AGBL4: variants seen among roughly 807,000 people sequenced by gnomAD.
AGBL4 encodes cytosolic carboxypeptidase 6.
In AGBL4, 58 loss-of-function variants were observed where a neutral mutation model predicts 66.4. That is an observed-to-expected ratio of 0.87 (90% CI 0.71 to 1.09). The LOEUF is 1.09. Among genes scored for constraint, AGBL4 ranks in the 50% least tolerant of loss-of-function variants. AGBL4 has a pLI of 0.00. For synonymous variants in AGBL4, 234 were observed against 222.9 expected, an observed-to-expected ratio of 1.05 and a Z score of -0.44; for missense variants, 579 against 631.0, an observed-to-expected ratio of 0.92 and a Z score of 0.88.
At chr1:49,501,855 C>A (rs988269250) in intron 3 of AGBL4, among the ~76,000 whole-genome samples, 4 of 151,792 alleles carry the variant, frequency 2.6e-5, no homozygotes, top group African/African-American at 9.7e-5. Context: ...CTTTTAATTT[C>A]TTTATTGAAT....
At chr1:48,737,321 A>T (rs1649232503) in intron 6 of AGBL4, among the ~76,000 whole-genome samples, 1 of 152,218 alleles carries the variant, frequency 6.6e-6, no homozygotes, top group South Asian at 2.1e-4. Flanking sequence ...AAAAAAAATC[A>T]TCAGTTCGTG....
chr1:48,975,831 T>A (rs1394012945), intron 5 of AGBL4, among the ~76,000 whole-genome samples: 1 of 152,128 alleles, frequency 6.6e-6, no homozygotes, highest in Non-Finnish European at 1.5e-5. Flanking sequence ...TGGAACTGAT[T>A]GAAGAATAAG....
chr1:49,280,327 T>C (rs1644249739), intron 3 of AGBL4, among the ~76,000 whole-genome samples: 1 of 152,200 alleles, frequency 6.6e-6, no homozygotes, highest in Non-Finnish European at 1.5e-5. Flanking sequence ...GTTGTGGCCA[T>C]TTTTGTGTCA....
chr1:49,240,551 CT>C (rs34162300), intron 4 of AGBL4, among the ~76,000 whole-genome samples: 104,688 of 123,682 alleles, frequency 0.85, 44,242 homozygotes, highest in Non-Finnish European at 0.88. Context: ...ACTGCATTTT[CT>C]TTTTTTTTTT....
intron 3 of AGBL4, among the ~76,000 whole-genome samples, chr1:49,249,473 T>C (rs981314880): frequency 6.6e-6 from 1 of 152,108 alleles, no homozygotes; most frequent in Non-Finnish European, 1.5e-5. Context: ...GAAAACATTA[T>C]CAACATCATT....
chr1:49,106,970 G>A (rs909384170), intron 4 of AGBL4, among the ~76,000 whole-genome samples: 1 of 151,896 alleles, frequency 6.6e-6, no homozygotes, highest in African/African-American at 2.4e-5. Flanking sequence ...AGCTACTTGG[G>A]GATAGAAAAT....
intron 3 of AGBL4, among the ~76,000 whole-genome samples, chr1:49,263,984 A>G (rs1653485561): frequency 6.6e-6 from 1 of 152,190 alleles, no homozygotes; most frequent in African/African-American, 2.4e-5. Flanking sequence ...TTATCAACAT[A>G]GAGAAACTTC....
intron 3 of AGBL4, among the ~76,000 whole-genome samples, chr1:49,483,740 G>A (rs1246630908): frequency 6.6e-6 from 1 of 151,584 alleles, no homozygotes; most frequent in Non-Finnish European, 1.5e-5. Flanking sequence ...AGTAAACATG[G>A]CCCAATGAAA....
chr1:49,552,389 C>T (rs923858581), intron 3 of AGBL4, among the ~76,000 whole-genome samples: 2 of 152,186 alleles, frequency 1.3e-5, no homozygotes, highest in Non-Finnish European at 2.9e-5. Context: ...TGTTTGCCCC[C>T]CTGCTCCTCT....
At chr1:49,740,961 T>A (rs1323431313) in intron 2 of AGBL4, among the ~76,000 whole-genome samples, 1 of 152,034 alleles carries the variant, frequency 6.6e-6, no homozygotes, top group Non-Finnish European at 1.5e-5. Flanking sequence ...TGATCTAAAA[T>A]TGACACCCTA....
intron 3 of AGBL4, among the ~76,000 whole-genome samples, chr1:49,486,740 G>A (rs1647075817): frequency 6.6e-6 from 1 of 151,962 alleles, no homozygotes; most frequent in Non-Finnish European, 1.5e-5. Context: ...TTCCTCACAT[G>A]ATGCAAACAA....
At chr1:48,637,608 C>T (rs1324659268) in intron 8 of AGBL4, among the ~76,000 whole-genome samples, 2 of 146,630 alleles carry the variant, frequency 1.4e-5, no homozygotes, top group African/African-American at 5.0e-5. Flanking sequence ...CTGGGTGATG[C>T]GAGGCAGCAG....
At chr1:49,584,481 A>T (rs1209242932) in intron 3 of AGBL4, among the ~76,000 whole-genome samples, 4 of 152,086 alleles carry the variant, frequency 2.6e-5, no homozygotes, top group Non-Finnish European at 4.4e-5. Context: ...CTTGGAAAGC[A>T]GTGACTTGTT....
chr1:49,769,277 G>A (rs978861835), intron 2 of AGBL4, among the ~76,000 whole-genome samples: 5 of 151,720 alleles, frequency 3.3e-5, no homozygotes, highest in African/African-American at 9.7e-5. Flanking sequence ...TAACCAAGAT[G>A]GTGAAATATC....
chr1:49,630,284 C>T (rs1271652073), intron 3 of AGBL4, among the ~76,000 whole-genome samples: 1 of 152,124 alleles, frequency 6.6e-6, no homozygotes, highest in Non-Finnish European at 1.5e-5. Flanking sequence ...ATCTCTGTGG[C>T]CTGTGTAGTG....
intron 3 of AGBL4, among the ~76,000 whole-genome samples, chr1:49,283,399 G>C (rs185493122): frequency 2.0e-5 from 3 of 152,288 alleles, no homozygotes; most frequent in East Asian, 1.9e-4. Flanking sequence ...ACCAAAAGTA[G>C]ATAAAACTGC....
chr1:49,146,248 G>T (rs1294691111), intron 4 of AGBL4, among the ~76,000 whole-genome samples: 4 of 152,202 alleles, frequency 2.6e-5, no homozygotes, highest in South Asian at 4.2e-4. Context: ...ATAACCAAAA[G>T]ATTATAACTG....
intron 3 of AGBL4, among the ~76,000 whole-genome samples, chr1:49,677,858 G>A (rs1178228241): frequency 6.6e-6 from 1 of 152,104 alleles, no homozygotes; most frequent in African/African-American, 2.4e-5. Context: ...CAGCAAGAAG[G>A]TAACCAGGAA....
In AGBL4 at chr1:49,696,639, C is replaced by G. The variant is rs191533564; in HGVS notation, c.282+674G>C. On this transcript the variant is annotated intron_variant, in intron 3 of 13. Coordinates refer to ENST00000371839, the MANE Select transcript of AGBL4 (RefSeq NM_032785.4). ...GTTCAGACTTGGGTACCCTCCCCAA[C>G]ATATTTCAGTATGTATTATATATGC... Among the ~76,000 whole-genome samples the G allele has an allele frequency of 2.8e-3, 424 of 152,016 alleles. 3 individuals carry two copies. Among genetic ancestry groups the G allele is most frequent in the South Asian group, 1.0e-2 (48 of 4,818 alleles).
Sources: gnomAD v4.1 joint callset for allele counts (sites outside exome capture counted in the v4.1 genomes callset) on GRCh38, gnomAD v4.1.1 for gene constraint, MANE v1.5 for transcripts, NCBI Gene and HGNC (gene_info 2026-07-23, HGNC 2026-07-21) for gene names.